ZMAT1: variants seen among roughly 807,000 people sequenced by gnomAD.
The protein encoded by ZMAT1 is zinc finger matrin-type protein 1.
ZMAT1 carries 11 observed loss-of-function variants against 18.5 expected under a neutral mutation model. That is an observed-to-expected ratio of 0.59 (90% confidence interval 0.37 to 0.98). The LOEUF (loss-of-function observed/expected upper bound fraction) is 0.98, where lower values mean the gene tolerates loss of function less well. Among genes scored for constraint, ZMAT1 ranks in the 50% least tolerant of loss-of-function variants. The pLI is 0.01. For synonymous variants in ZMAT1, 211 were observed against 176.4 expected (o/e 1.20, Z -1.55); for missense variants, 525 against 496.2 (o/e 1.06, Z -0.55).
chrX:101,904,759 A>G (rs1460923642), intron 1 of ZMAT1, among the ~76,000 whole-genome samples: 6 of 110,650 alleles, frequency 5.4e-5, no homozygotes, highest in Non-Finnish European at 9.5e-5. Flanking sequence ...CCTGGGCAAC[A>G]TAGCAAGACA....
chrX:101,913,372 T>C (rs751349697), intron 1 of ZMAT1, among the ~76,000 whole-genome samples: 1 of 111,306 alleles, frequency 9.0e-6, no homozygotes, highest in African/African-American at 3.3e-5. Flanking sequence ...TGGACTAAAC[T>C]TCCCCATCAA....
At chrX:101,885,592 C>G (rs1372606312) in intron 5 of ZMAT1, among the ~76,000 whole-genome samples, 1 of 111,591 alleles carries the variant, frequency 9.0e-6, no homozygotes, top group Non-Finnish European at 1.9e-5. Flanking sequence ...AATTTAGCTT[C>G]TAAGTATTCG....
chrX:101,910,464 C>T (rs1334608792), intron 1 of ZMAT1, among the ~76,000 whole-genome samples: 2 of 112,665 alleles, frequency 1.8e-5, no homozygotes, highest in African/African-American at 6.4e-5. Context: ...GAAACAGAAA[C>T]ATGTGGACTT....
chrX:101,912,898 T>G (rs1452749079), intron 1 of ZMAT1, among the ~76,000 whole-genome samples: 1 of 112,154 alleles, frequency 8.9e-6, no homozygotes, highest in African/African-American at 3.2e-5. Flanking sequence ...CTTTTACTGC[T>G]CTGTTCTCCC....
At chrX:101,926,210 TG>T (rs1314016252) in intron 1 of ZMAT1, among the ~76,000 whole-genome samples, 1 of 111,944 alleles carries the variant, frequency 8.9e-6, no homozygotes. Context: ...TCTATGGACT[TG>T]GGCATTACTA....
At chrX:101,891,274 T>C (rs745378269) in intron 4 of ZMAT1, among the ~76,000 whole-genome samples, 2 of 111,205 alleles carry the variant, frequency 1.8e-5, no homozygotes, top group African/African-American at 3.3e-5. Context: ...TCTAGAGAAG[T>C]CTAAAATAAT....
intron 2 of ZMAT1, among the ~76,000 whole-genome samples, chrX:101,900,150 T>C (rs754550780): frequency 7.2e-5 from 8 of 111,782 alleles, no homozygotes; most frequent in African/African-American, 1.3e-4. Flanking sequence ...TTTGATGGGA[T>C]TGCTTGTTTC....
intron 1 of ZMAT1, among the ~76,000 whole-genome samples, chrX:101,926,370 T>C (rs1016704838): frequency 1.3e-4 from 15 of 112,524 alleles, no homozygotes; most frequent in African/African-American, 4.5e-4. Context: ...AGCAGCACTA[T>C]TATGTGAAAG....
chrX:101,915,655 A>T (rs910955944), intron 1 of ZMAT1: 1 of 112,564 alleles, frequency 8.9e-6, no homozygotes, highest in Non-Finnish European at 1.9e-5. Context: ...TGGCCCCTGC[A>T]TATGGATGAC....
intron 4 of ZMAT1, 101 bp downstream of exon 4, chrX:101,897,767 C>A: frequency 3.0e-6 from 2 of 660,404 alleles, no homozygotes; most frequent in Non-Finnish European, 4.5e-6. Flanking sequence ...GTTATTTCAA[C>A]TGGGGTGAAA....
At position 101,929,724 on chromosome X, in the gene ZMAT1, T is replaced by C. The variant is rs142999266; in HGVS notation, c.292+1993A>G. Among the ~76,000 whole-genome samples the C allele has an allele frequency of 2.9e-4, 32 of 110,875 alleles. No individual in the cohort carries two copies. The East Asian group carries it at 9.1e-3, about 31-fold the overall frequency. On this transcript the variant is annotated intron_variant, in intron 1 of 5. Transcript: ENST00000651725. ...AACTCAACATAGATCTCATTATTCATTGAATGTCAGGTGATAACTATCAGA... is the reference window on the plus strand; with the variant it reads ...AACTCAACATAGATCTCATTATTCACTGAATGTCAGGTGATAACTATCAGA...
rs17854380 is a variant in ZMAT1, at chrX:101,884,474, C to A, written c.1124G>T (p.Arg375Ile). ...GAAACAAGTCTTTGGATCTAGTCCT[C>A]TGGCTTTCTGTACTTTGATGTAATC... ...LEDYIKVQKA[R>I]GLDPKTCFRK... Residue 375 changes from arginine to isoleucine, a missense_variant, in exon 6 of 6, where the codon AGA becomes ATA. Transcript: ENST00000651725. 8.3e-7 allele frequency: 1 copy of A among 1,209,704 alleles called. No homozygotes were observed. The highest frequency in any genetic ancestry group is 1.1e-6 in the Non-Finnish European group (1 of 894,972).
At chrX:101,907,863 C>T (rs1267861627) in intron 1 of ZMAT1, among the ~76,000 whole-genome samples, 2 of 110,551 alleles carry the variant, frequency 1.8e-5, no homozygotes. Context: ...TGAAAATATA[C>T]CGTAAGAGGA....
intron 2 of ZMAT1, among the ~76,000 whole-genome samples, chrX:101,901,411 C>T (rs752398967): frequency 1.8e-5 from 2 of 111,212 alleles, no homozygotes; most frequent in Admixed American, 1.9e-4. Flanking sequence ...TGCCTTTCAA[C>T]TTTTCCCTAT....
intron 5 of ZMAT1, among the ~76,000 whole-genome samples, 163 bp downstream of exon 5, chrX:101,886,469 T>C (rs1453819723): frequency 9.0e-6 from 1 of 111,538 alleles, no homozygotes; most frequent in Non-Finnish European, 1.9e-5. Flanking sequence ...CTAGAACCCC[T>C]GAGGGACACT....
At chrX:101,894,662 T>C (rs1405667527) in intron 4 of ZMAT1, 1 of 632,588 alleles carries the variant, frequency 1.6e-6, no homozygotes. Context: ...ATTTAGGTAA[T>C]GAATAAAAAA....
At chrX:101,930,764 C>T (rs1319758300) in intron 1 of ZMAT1, among the ~76,000 whole-genome samples, 1 of 112,146 alleles carries the variant, frequency 8.9e-6, no homozygotes, top group East Asian at 2.8e-4. Flanking sequence ...ATGGTCTCCA[C>T]CAGCTAAGAA....
intron 2 of ZMAT1, among the ~76,000 whole-genome samples, chrX:101,901,587 G>T (rs949250045): frequency 9.0e-6 from 1 of 111,141 alleles, no homozygotes; most frequent in Non-Finnish European, 1.9e-5. Flanking sequence ...CTTTAAAAGA[G>T]GTAAAATTTT....
intron 1 of ZMAT1, among the ~76,000 whole-genome samples, chrX:101,913,220 A>G (rs1176537654): frequency 1.8e-5 from 2 of 111,973 alleles, no homozygotes; most frequent in African/African-American, 6.5e-5. Flanking sequence ...AAATTAAATC[A>G]TATTATCAGA....
Sources: gnomAD v4.1 joint callset for allele counts (sites outside exome capture counted in the v4.1 genomes callset) on GRCh38, gnomAD v4.1.1 for gene constraint, MANE v1.5 for transcripts, NCBI Gene and HGNC (gene_info 2026-07-23, HGNC 2026-07-21) for gene names.